Variants in CFAP46 observed in about 807,000 individuals in gnomAD.
CFAP46 encodes cilia- and flagella-associated protein 46.
Under a neutral mutation model 325.7 loss-of-function variants are expected in CFAP46, and 245 were observed. The ratio of observed to expected loss-of-function variants is 0.75; its 90% CI spans 0.68 to 0.84. The LOEUF (loss-of-function observed/expected upper bound fraction) is 0.84, where lower values mean the gene tolerates loss of function less well. Among genes scored for constraint, CFAP46 ranks in the 40% least tolerant of loss-of-function variants. CFAP46 has a pLI of 0.00. For synonymous variants in CFAP46, 1,523 were observed against 1,495.9 expected, an observed-to-expected ratio of 1.02 and a Z score of -0.42; for missense variants, 3,346 against 3,543.0, an observed-to-expected ratio of 0.94 and a Z score of 1.41.
At chr10:132,812,653 G>T (rs1847603596) in intron 55 of CFAP46, 132 bp downstream of exon 55, 1 of 639,800 alleles carries the variant, frequency 1.6e-6, no homozygotes, top group Admixed American at 2.5e-5. Context: ...GTCACAGAGG[G>T]TGGGGGGCAG....
intron 28 of CFAP46, 64 bp from the exon 29 acceptor site, chr10:132,879,695 C>T (rs1849010498): frequency 7.1e-7 from 1 of 1,414,310 alleles, no homozygotes; most frequent in South Asian, 1.5e-5. Flanking sequence ...CCCCAGGCCA[C>T]TCCCTTCCCT....
At chr10:132,871,694 G>A (rs569160421) in intron 32 of CFAP46, among the ~76,000 whole-genome samples, 52 of 152,344 alleles carry the variant, frequency 3.4e-4, no homozygotes, top group South Asian at 2.1e-3. Flanking sequence ...GAATGGATGC[G>A]GAATTGCCTC....
chr10:132,823,995 G>GA (rs1847965484), intron 50 of CFAP46, among the ~76,000 whole-genome samples: 1 of 74,694 alleles, frequency 1.3e-5, no homozygotes, highest in African/African-American at 7.3e-5. Flanking sequence ...TGTGCTGCTT[G>GA]TTTGTGCTGT....
rs369631922 is a variant in CFAP46 at position 132,822,865 on chromosome 10, G to A, written c.7118-7951C>T. Among the ~76,000 whole-genome samples, 167 of 137,544 alleles carry A rather than the reference G, an allele frequency of 1.2e-3. No individual in the cohort carries two copies. The South Asian group carries it at 0.015, about 12-fold the overall frequency. 90.2% of individuals were successfully genotyped at this position (137,544 alleles called of 152,430 possible). A position where few individuals can be genotyped will look rare whatever the true frequency, so the allele number is the denominator to read the frequency against. On this transcript the variant is annotated intron_variant, in intron 50 of 57. Coordinates refer to ENST00000368586, the MANE Select transcript of CFAP46 (RefSeq NM_001200049.3). The stretch of plus-strand genomic sequence containing the variant: ...GATGTGTGCACTGTGTGCTGTGTGC[G>A]GTGATGTGTGCTGTGTGTGCGCTGA...
At chr10:132,857,558 C>T (rs559695738) in intron 39 of CFAP46, 32 bp downstream of exon 39, 4 of 1,598,744 alleles carry the variant, frequency 2.5e-6, no homozygotes, top group Non-Finnish European at 3.4e-6. Flanking sequence ...GGGAGTGACC[C>T]AGTGTGCACA....
chr10:132,941,114 G>A, intron 3 of CFAP46, 54 bp from the exon 4 acceptor site: 2 of 1,581,820 alleles, frequency 1.3e-6, no homozygotes, highest in East Asian at 2.2e-5. Context: ...CCTGCTCACT[G>A]CCCCATCTGC....
chr10:132,816,989 T>A (rs976380638), intron 50 of CFAP46, among the ~76,000 whole-genome samples: 8 of 152,204 alleles, frequency 5.3e-5, no homozygotes, highest in African/African-American at 1.4e-4. Context: ...AAATCGCCAC[T>A]TTTGAGGCAC....
At position 132,886,316 on chromosome 10, in the gene CFAP46, T is replaced by C. The variant is rs568360566; in HGVS notation, c.3305-357A>G. On this transcript the variant is annotated intron_variant, in intron 25 of 57. Coordinates refer to ENST00000368586, the MANE Select transcript of CFAP46 (RefSeq NM_001200049.3). This position sits in a 1 kb window ranked among gnomAD's most constrained non-coding sequence, Gnocchi z 5.8. ...ACTTGGGGTCCTTTCAGGAGTTGCA[T>C]GGAAAGCTCCCCCGCGGCCGAGGAC... Among the ~76,000 whole-genome samples the C allele has an allele frequency of 6.4e-4, 97 of 152,292 alleles. No homozygotes were observed. Among genetic ancestry groups the C allele is most frequent in the Non-Finnish European group, 1.2e-3 (84 of 68,012 alleles).
At chr10:132,830,037 C>CAGCCTCAGA (rs200237602) in intron 50 of CFAP46, among the ~76,000 whole-genome samples, 2,524 of 151,994 alleles carry the variant, frequency 0.017, 33 homozygotes, top group African/African-American at 0.02. Context: ...CGGATAATGC[C>CAGCCTCAGA]AGCCTCAGAA....
chr10:132,837,752 C>T (rs568840732), intron 44 of CFAP46, among the ~76,000 whole-genome samples: 5 of 139,254 alleles, frequency 3.6e-5, no homozygotes, highest in East Asian at 4.1e-4. Context: ...CAGATGCGCA[C>T]GGACACACAC....
intron 44 of CFAP46, among the ~76,000 whole-genome samples, chr10:132,838,158 A>C (rs548483078): frequency 1.4e-4 from 21 of 152,306 alleles, no homozygotes; most frequent in African/African-American, 5.1e-4. Context: ...GTCTAATACC[A>C]GACCCGGCAC....
intron 32 of CFAP46, among the ~76,000 whole-genome samples, chr10:132,872,101 A>G (rs1848902424): frequency 6.6e-6 from 1 of 152,240 alleles, no homozygotes; most frequent in Admixed American, 6.5e-5. Context: ...TATACTCTGG[A>G]AAACCAAAAA....
At chr10:132,912,853 CCCCCGCAGG>C in intron 18 of CFAP46, 33 bp from the exon 19 acceptor site, 1 of 1,543,388 alleles carries the variant, frequency 6.5e-7, no homozygotes. Context: ...GGAACCTTGG[CCCCCGCAGG>C]CCTCGCCCCG....
intron 55 of CFAP46, among the ~76,000 whole-genome samples, chr10:132,811,631 G>A (rs543348946): frequency 5.2e-4 from 79 of 152,320 alleles, no homozygotes; most frequent in African/African-American, 1.8e-3. Context: ...GGCCGTTCCC[G>A]CAGACAGGCT....
intron 44 of CFAP46, among the ~76,000 whole-genome samples, chr10:132,843,121 A>G (rs1296303198): frequency 6.6e-6 from 1 of 152,208 alleles, no homozygotes; most frequent in Non-Finnish European, 1.5e-5. Context: ...CTTGGGCTGC[A>G]TTCACTTTTC....
chr10:132,941,129 G>C (rs1433494696), intron 3 of CFAP46, 69 bp from the exon 4 acceptor site: 1 of 1,523,644 alleles, frequency 6.6e-7, no homozygotes, highest in African/African-American at 1.4e-5. Context: ...ATCTGCGGAT[G>C]CCACGGCTCC....
intron 22 of CFAP46, among the ~76,000 whole-genome samples, chr10:132,900,786 G>A (rs552123734): frequency 6.6e-6 from 1 of 152,262 alleles, no homozygotes; most frequent in Non-Finnish European, 1.5e-5. Context: ...ATGCCAATGA[G>A]TGAGGTCTGT....
intron 17 of CFAP46, 69 bp from the exon 18 acceptor site, chr10:132,913,327 T>C: frequency 1.0e-6 from 1 of 971,278 alleles, no homozygotes; most frequent in Non-Finnish European, 1.4e-6. Context: ...CCAGGAAGGC[T>C]GCGGGGCCTG....
At chr10:132,867,068 C>T (rs1446226711) in intron 34 of CFAP46, among the ~76,000 whole-genome samples, 1 of 152,136 alleles carries the variant, frequency 6.6e-6, no homozygotes, top group Non-Finnish European at 1.5e-5. Flanking sequence ...AGAAATCAGT[C>T]ACAGGAAGCC....
Sources: gnomAD v4.1 joint callset for allele counts (sites outside exome capture counted in the v4.1 genomes callset) on GRCh38, gnomAD v4.1.1 for gene constraint, Gnocchi (gnomAD v3.1) non-coding constraint, MANE v1.5 for transcripts, NCBI Gene and HGNC (gene_info 2026-07-23, HGNC 2026-07-21) for gene names.